Variants in DECR1 observed in about 807,000 individuals in gnomAD.
The protein encoded by DECR1 is 2,4-dienoyl-CoA reductase 1.
DECR1 carries 44 observed loss-of-function variants against 38.8 expected under a neutral mutation model. The observed-to-expected ratio is 1.13, with a 90% CI of 0.89 to 1.46. The LOEUF (loss-of-function observed/expected upper bound fraction) is 1.46. Ranked by LOEUF, DECR1 falls within the 40% of genes most tolerant of loss-of-function variation. The probability of loss-of-function intolerance (pLI) is 0.00; values close to 1 mark genes in which losing one functional copy is unlikely to be tolerated. For synonymous variants in DECR1, 148 were observed against 135.2 expected (o/e 1.09, Z -0.66); for missense variants, 428 against 405.5 (o/e 1.06, Z -0.48).
At chr8:90,025,528 G>T (rs1443151900) in intron 5 of DECR1, among the ~76,000 whole-genome samples, 5 of 152,140 alleles carry the variant, frequency 3.3e-5, no homozygotes, top group Non-Finnish European at 7.3e-5. Context: ...CTGTTTGTCT[G>T]TTATTGCTGT....
intron 5 of DECR1, among the ~76,000 whole-genome samples, chr8:90,036,524 T>A (rs957573236): frequency 1.3e-5 from 2 of 152,302 alleles, no homozygotes; most frequent in Admixed American, 6.5e-5. Context: ...AGTACTTAGT[T>A]AATGGGAATC....
chr8:90,032,332 C>T (rs1813518128), intron 5 of DECR1, among the ~76,000 whole-genome samples: 1 of 152,118 alleles, frequency 6.6e-6, no homozygotes, highest in Non-Finnish European at 1.5e-5. Context: ...CACAATATGT[C>T]TTTCTCATGC....
At chr8:90,029,063 T>A (rs1288971587) in intron 5 of DECR1, among the ~76,000 whole-genome samples, 2 of 151,978 alleles carry the variant, frequency 1.3e-5, no homozygotes, top group Admixed American at 6.6e-5. Flanking sequence ...TTGTTGTAAG[T>A]GGTCTAGTAG....
intron 5 of DECR1, among the ~76,000 whole-genome samples, chr8:90,028,345 C>A: frequency 6.6e-6 from 1 of 151,948 alleles, no homozygotes; most frequent in Non-Finnish European, 1.5e-5. Context: ...CTTAAAATTA[C>A]ATTTTGATTG....
intron 1 of DECR1, chr8:90,006,213 C>T: frequency 4.3e-6 from 3 of 704,074 alleles, no homozygotes; most frequent in East Asian, 2.7e-5. Flanking sequence ...AGTTGTACTA[C>T]CTGAACTTCT....
At chr8:90,046,341 C>A (rs1813901682) in intron 8 of DECR1, among the ~76,000 whole-genome samples, 2 of 152,108 alleles carry the variant, frequency 1.3e-5, no homozygotes, top group Admixed American at 1.3e-4. Context: ...AGAGAAGACC[C>A]TAAATGACCT....
At chr8:90,022,347 C>CTG (rs142005713) in intron 5 of DECR1, among the ~76,000 whole-genome samples, 86 of 151,868 alleles carry the variant, frequency 5.7e-4, no homozygotes, top group Non-Finnish European at 7.5e-4. Context: ...GGCACTAGCT[C>CTG]TGTGTGTGTG....
At chr8:90,027,353 G>A (rs571735278) in intron 5 of DECR1, among the ~76,000 whole-genome samples, 26 of 152,242 alleles carry the variant, frequency 1.7e-4, no homozygotes, top group South Asian at 6.2e-4. Flanking sequence ...TTGTGTGGGC[G>A]TCTACATCTC....
At chr8:90,049,693 G>A (rs184675044) in intron 8 of DECR1, among the ~76,000 whole-genome samples, 5 of 152,166 alleles carry the variant, frequency 3.3e-5, no homozygotes, top group Non-Finnish European at 7.4e-5. Context: ...AGTTCATATG[G>A]AACCAAAAAA....
chr8:90,028,216 C>G (rs1813403014), intron 5 of DECR1, among the ~76,000 whole-genome samples: 1 of 152,120 alleles, frequency 6.6e-6, no homozygotes, highest in South Asian at 2.1e-4. Context: ...GTGCCGCCAT[C>G]AGAGGCATAT....
At chr8:90,046,658 C>T (rs1813912597) in intron 8 of DECR1, among the ~76,000 whole-genome samples, 1 of 152,060 alleles carries the variant, frequency 6.6e-6, no homozygotes, top group Non-Finnish European at 1.5e-5. Context: ...CAACGCAGGC[C>T]AACATTCAAA....
chr8:90,048,117 T>G (rs146965616), intron 8 of DECR1, among the ~76,000 whole-genome samples: 3,818 of 151,948 alleles, frequency 0.025, 69 homozygotes, highest in Non-Finnish European at 0.043. Flanking sequence ...ACATCACAAT[T>G]AAAAGAACTA....
rs1196305481 is a variant in DECR1, at chr8:90,017,276, A to T, written c.222A>T (p.Gly74=). Residue 74 remains glycine (G), a synonymous_variant, in exon 2 of 10, where the codon GGA becomes GGT. Coordinates refer to ENST00000220764, the MANE Select transcript of DECR1 (RefSeq NM_001359.2). The part of the protein sequence containing the change: ...ITGGGTGLGK[G]MTTLLSSLGA... ...GGGGAGGTACTGGCCTTGGTAAAGGAATGACAACTCTTCTGTCCAGCCTAG... is the reference window on the plus strand; with the variant it reads ...GGGGAGGTACTGGCCTTGGTAAAGGTATGACAACTCTTCTGTCCAGCCTAG... 1.2e-6 allele frequency: 2 copies of T among 1,614,066 alleles called. No individual in the cohort carries two copies. Among genetic ancestry groups the T allele is most frequent in the Non-Finnish European group, 1.7e-6 (2 of 1,180,028 alleles).
At chr8:90,016,503 G>A (rs1392694482) in intron 1 of DECR1, among the ~76,000 whole-genome samples, 5 of 151,942 alleles carry the variant, frequency 3.3e-5, no homozygotes, top group Non-Finnish European at 7.4e-5. Flanking sequence ...GCGTGGTGGT[G>A]TGTGCCTGTA....
rs542524705 is a variant in DECR1 at position 90,004,184 on chromosome 8, G to A, written c.69+2623G>A. On this transcript the variant is annotated intron_variant, in intron 1 of 9. Transcript: ENST00000220764. ...CTGAAAATATAAAAATTAGCCGGGCGTGGTGGCGCGTGCCTGTAATCCCAG... is the reference window on the plus strand; with the variant it reads ...CTGAAAATATAAAAATTAGCCGGGCATGGTGGCGCGTGCCTGTAATCCCAG... 2.6e-5 allele frequency among the ~76,000 whole-genome samples: 4 copies of A among 151,834 alleles called. No homozygotes were observed. The South Asian group carries it at 6.2e-4, about 24-fold the overall frequency.
At chr8:90,005,921 G>A (rs1454303702) in intron 1 of DECR1, 4 of 414,652 alleles carry the variant, frequency 9.6e-6, no homozygotes, top group Non-Finnish European at 1.8e-5. Flanking sequence ...GAAGTGAGAG[G>A]GTGTTGGGAG....
chr8:90,040,033 A>G (rs1040941215), intron 6 of DECR1, among the ~76,000 whole-genome samples: 4 of 152,112 alleles, frequency 2.6e-5, no homozygotes, highest in Non-Finnish European at 5.9e-5. Context: ...AGCTAGCTTA[A>G]TGACAGTTGA....
At chr8:90,026,221 G>C (rs1011298348) in intron 5 of DECR1, among the ~76,000 whole-genome samples, 3 of 152,188 alleles carry the variant, frequency 2.0e-5, no homozygotes, top group African/African-American at 7.2e-5. Flanking sequence ...TTGGTATCAG[G>C]ATGATACTGG....
intron 5 of DECR1, among the ~76,000 whole-genome samples, chr8:90,023,019 G>C (rs1813204272): frequency 6.6e-6 from 1 of 152,160 alleles, no homozygotes; most frequent in Non-Finnish European, 1.5e-5. Flanking sequence ...ACAGAGTTTG[G>C]AGAACTTGGA....
Sources: gnomAD v4.1 joint callset for allele counts (sites outside exome capture counted in the v4.1 genomes callset) on GRCh38, gnomAD v4.1.1 for gene constraint, MANE v1.5 for transcripts, NCBI Gene and HGNC (gene_info 2026-07-23, HGNC 2026-07-21) for gene names.